Variants in TMPRSS13 observed in about 807,000 individuals in gnomAD.
The protein encoded by TMPRSS13 is transmembrane protease serine 13.
A neutral mutation model predicts 68.4 loss-of-function variants in TMPRSS13; 50 were observed. The ratio of observed to expected loss-of-function variants is 0.73; its 90% CI spans 0.58 to 0.93. The LOEUF (loss-of-function observed/expected upper bound fraction) is 0.93, where lower values mean the gene tolerates loss of function less well. TMPRSS13 is among the 40% of genes least tolerant of loss of function. The pLI is 0.00. For missense variants in TMPRSS13, 615 were observed against 729.2 expected (o/e 0.84, Z 1.80); for synonymous variants, 267 against 285.8 (o/e 0.93, Z 0.66).
At chr11:117,921,573 A>C (rs1437417103) in intron 1 of TMPRSS13, among the ~76,000 whole-genome samples, 2 of 152,190 alleles carry the variant, frequency 1.3e-5, no homozygotes, top group Non-Finnish European at 2.9e-5. Context: ...AAAGCTGTAA[A>C]GCTGGAACAG....
In TMPRSS13 at chr11:117,922,721, G is replaced by A. The variant is rs759785224; in HGVS notation, c.22-3883C>T. ...CTTCTCAGCCTGCTCAGGGGCAGGTGCACAGGGTGGAGCAGGGGAGTGTGG... is the reference window on the plus strand; with the variant it reads ...CTTCTCAGCCTGCTCAGGGGCAGGTACACAGGGTGGAGCAGGGGAGTGTGG... On this transcript the variant is annotated intron_variant, in intron 1 of 12. Coordinates refer to ENST00000524993, the MANE Select transcript of TMPRSS13 (RefSeq NM_001077263.3). This position sits in a 1 kb window ranked among gnomAD's most constrained non-coding sequence, Gnocchi z 4.2. Among the ~76,000 whole-genome samples, 2 of 152,240 alleles carry A rather than the reference G, an allele frequency of 1.3e-5. No individual in the cohort carries two copies. Among genetic ancestry groups the A allele is most frequent in the Non-Finnish European group, 2.9e-5 (2 of 68,048 alleles).
In TMPRSS13 at chr11:117,906,572, G is replaced by A. The variant is rs115316482; in HGVS notation, c.1283-836C>T. On this transcript the variant is annotated intron_variant, in intron 9 of 12. Transcript: ENST00000524993. ...AAAAGATAGAGACAAGGCAGGAAGC[G>A]TAGATGGGAAGGATGATTTTAAATT... Among the ~76,000 whole-genome samples, 134 of 152,316 alleles carry A rather than the reference G, an allele frequency of 8.8e-4. 1 individual carries two copies. The highest frequency in any genetic ancestry group is 3.0e-3 in the African/African-American group (126 of 41,570).
rs2134892641 is a variant in TMPRSS13, at chr11:117,911,872, C to G, written c.810-12G>C. On this transcript the variant is annotated splice_polypyrimidine_tract_variant and intron_variant, in intron 5 of 12. Transcript: ENST00000524993. Reference sequence around the variant, plus strand: ...TTGTCCGGTGAGCACTACAAGGGAGCAGAGGGGAGAAGAATGAGCCCCCTG... The same window carrying G: ...TTGTCCGGTGAGCACTACAAGGGAGGAGAGGGGAGAAGAATGAGCCCCCTG... 2 of 1,610,880 alleles carry G rather than the reference C, an allele frequency of 1.2e-6. No homozygotes were observed. The highest frequency in any genetic ancestry group is 1.7e-6 in the Non-Finnish European group (2 of 1,177,478).
intron 6 of TMPRSS13, among the ~76,000 whole-genome samples, chr11:117,911,270 C>T (rs1425629497): frequency 4.6e-5 from 7 of 152,226 alleles, no homozygotes; most frequent in South Asian, 2.1e-4. Context: ...ATGCTTCCAA[C>T]GTGGCCCTCC....
At chr11:117,912,608 C>T (rs1179989983) in intron 5 of TMPRSS13, among the ~76,000 whole-genome samples, 2 of 152,232 alleles carry the variant, frequency 1.3e-5, no homozygotes, top group African/African-American at 4.8e-5. Flanking sequence ...TGGCATGACA[C>T]TTAGCACACG....
Position 117,915,369 on chromosome 11 carries a change from C to T in TMPRSS13, c.557-855G>A, listed in dbSNP as rs181112757. 2.2e-4 allele frequency among the ~76,000 whole-genome samples: 34 copies of T among 152,344 alleles called. No homozygotes were observed. Among genetic ancestry groups the T allele is most frequent in the Admixed American group, 7.8e-4 (12 of 15,304 alleles). Reference sequence around the variant, plus strand: ...TCAGCCCCACCCCTTGCTTCTCCTCCGGGGCCCACTGTGCTCTCCATCACC... The same window carrying T: ...TCAGCCCCACCCCTTGCTTCTCCTCTGGGGCCCACTGTGCTCTCCATCACC... On this transcript the variant is annotated intron_variant, in intron 3 of 12. Coordinates refer to ENST00000524993, the MANE Select transcript of TMPRSS13 (RefSeq NM_001077263.3). This position sits in a 1 kb window ranked among gnomAD's most constrained non-coding sequence, Gnocchi z 4.9.
rs892157373 is a variant in TMPRSS13 at position 117,914,288 on chromosome 11, C to A, written c.679+104G>T. 34 of 1,462,470 alleles carry A rather than the reference C, an allele frequency of 2.3e-5. No homozygotes were observed. The Middle Eastern group carries it at 6.3e-4, about 27-fold the overall frequency. The allele number at this position is 1,462,470 out of a possible 1,614,324, so 90.6% of individuals were successfully genotyped here. A position where few individuals can be genotyped will look rare whatever the true frequency, so the allele number is the denominator to read the frequency against. Reference sequence around the variant, plus strand: ...ATGCACATACACACACATGCACGCACACATATACACACACAGGCATGCATA... The same window carrying A: ...ATGCACATACACACACATGCACGCAAACATATACACACACAGGCATGCATA... On this transcript the variant is annotated intron_variant, in intron 4 of 12. Coordinates refer to ENST00000524993, the MANE Select transcript of TMPRSS13 (RefSeq NM_001077263.3). The surrounding 1 kb of genome is among the most constrained non-coding windows in gnomAD (Gnocchi z 4.2).
chr11:117,910,774 G>A (rs1264955299), intron 6 of TMPRSS13, 24 bp from the exon 7 acceptor site: 6 of 1,600,420 alleles, frequency 3.7e-6, no homozygotes, highest in Non-Finnish European at 5.1e-6. Flanking sequence ...CACAGAAAGT[G>A]GGAAAAGGGC....
At chr11:117,917,524 G>A (rs1480791260) in intron 2 of TMPRSS13, among the ~76,000 whole-genome samples, 1 of 152,200 alleles carries the variant, frequency 6.6e-6, no homozygotes, top group East Asian at 1.9e-4. Flanking sequence ...CTCTCCTCTG[G>A]GCCAGCCAGG....
chr11:117,911,051 C>G (rs1296713876), intron 6 of TMPRSS13, among the ~76,000 whole-genome samples: 1 of 152,202 alleles, frequency 6.6e-6, no homozygotes, highest in Non-Finnish European at 1.5e-5. Context: ...ACTTCATTGT[C>G]GCAGCATCTT....
chr11:117,909,844 G>A lies in TMPRSS13; in HGVS notation c.1071C>T (p.Asp357=), dbSNP rs572469284. Residue 357 remains aspartate, a synonymous_variant, in exon 8 of 13, where the codon GAC becomes GAT. Transcript: ENST00000524993. ...TTHICGGTLI[D]AQWVLTAAHC... is the part of the protein sequence containing the mutation. Reference sequence around the variant, plus strand: ...GGGCGGCAGTGAGCACCCACTGGGCGTCAATGAGCGTGCCTCCACAGATGT... The same window carrying A: ...GGGCGGCAGTGAGCACCCACTGGGCATCAATGAGCGTGCCTCCACAGATGT... The A allele has an allele frequency of 1.4e-5, 23 of 1,613,424 alleles. No individual in the cohort carries two copies. The highest frequency in any genetic ancestry group is 1.7e-4 in the Middle Eastern group (1 of 6,030).
intron 1 of TMPRSS13, among the ~76,000 whole-genome samples, chr11:117,921,991 T>C (rs868775125): frequency 6.6e-6 from 1 of 152,218 alleles, no homozygotes; most frequent in African/African-American, 2.4e-5. Context: ...AGTTCTCATC[T>C]TCAGGGATCA....
Position 117,913,769 on chromosome 11 carries a change from G to A in TMPRSS13, c.809+8C>T. ...AAGCCTGGACTCTGGGGCCAGGTTGGGGGTTACCTCTCGAAACCCAGCTGC... is the reference window on the plus strand; with the variant it reads ...AAGCCTGGACTCTGGGGCCAGGTTGAGGGTTACCTCTCGAAACCCAGCTGC... On this transcript the variant is annotated splice_region_variant and intron_variant, in intron 5 of 12. Coordinates refer to ENST00000524993, the MANE Select transcript of TMPRSS13 (RefSeq NM_001077263.3). 2.5e-6 allele frequency: 4 copies of A among 1,613,706 alleles called. No homozygotes were observed. The highest frequency in any genetic ancestry group is 3.4e-6 in the Non-Finnish European group (4 of 1,179,726).
At chr11:117,923,200 C>T (rs1324782467) in intron 1 of TMPRSS13, among the ~76,000 whole-genome samples, 5 of 152,258 alleles carry the variant, frequency 3.3e-5, no homozygotes, top group Non-Finnish European at 7.3e-5. Flanking sequence ...CATCTCACAG[C>T]AGAGGAGGGA....
Position 117,929,319 on chromosome 11 carries a change from G to A in TMPRSS13, c.-12C>T, listed in dbSNP as rs1176782486. 2 of 1,604,574 alleles carry A rather than the reference G, an allele frequency of 1.2e-6. No individual in the cohort carries two copies. On this transcript the variant is annotated 5_prime_UTR_variant, in exon 1 of 13. Coordinates refer to ENST00000524993, the MANE Select transcript of TMPRSS13 (RefSeq NM_001077263.3). ...CTGTCCCTCTCCATGGTCTCTGAGG[G>A]GAAGAGTCCTCCAGGCTTAGCTGAT...
chr11:117,909,763 C>T lies in TMPRSS13; in HGVS notation c.1109+43G>A, dbSNP rs556771400. 3.4e-5 allele frequency: 54 copies of T among 1,578,930 alleles called. No homozygotes were observed. In the East Asian group the frequency reaches 1.0e-3, roughly 30 times the overall value. ...GCAGCCAGCCCTTCCTGGTGGTTCC[C>T]GACCCTGGGCAGTGTCAAATCACCT... is the stretch of plus-strand genomic sequence containing the variant. On this transcript the variant is annotated intron_variant, in intron 8 of 12. Coordinates refer to ENST00000524993, the MANE Select transcript of TMPRSS13 (RefSeq NM_001077263.3).
At chr11:117,908,590 CG>C in intron 9 of TMPRSS13, 21 bp downstream of exon 9, 3 of 1,549,812 alleles carry the variant, frequency 1.9e-6, no homozygotes. Flanking sequence ...GGCAGGAGAG[CG>C]GGGAGTGCAG....
chr11:117,911,727 T>C, intron 6 of TMPRSS13, 41 bp downstream of exon 6: 3 of 1,558,848 alleles, frequency 1.9e-6, no homozygotes, highest in Non-Finnish European at 2.6e-6. Flanking sequence ...ACCCACTCCT[T>C]CCCCTGCTCA....
In TMPRSS13 at chr11:117,902,085, C is replaced by CAA. The variant is rs1451563511; in HGVS notation, c.*153_*154insTT. On this transcript the variant is annotated 3_prime_UTR_variant, in exon 13 of 13. Transcript: ENST00000524993. Reference sequence around the variant, plus strand: ...ATGCACACATATGCACACACACACACACACACACACACACACACAGAGGCA... The same window carrying CAA: ...ATGCACACATATGCACACACACACACAAACACACACACACACACACAGAGGCA... 1.6e-5 allele frequency: 12 copies of CAA among 758,160 alleles called. No homozygotes were observed. Among genetic ancestry groups the CAA allele is most frequent in the African/African-American group, 5.2e-5 (3 of 57,864 alleles). The allele number at this position is 758,160 out of a possible 1,614,324, so 47.0% of individuals were successfully genotyped here. A position where few individuals can be genotyped will look rare whatever the true frequency, so the allele number is the denominator to read the frequency against.
Sources: allele counts gnomAD v4.1 joint callset (sites outside exome capture counted in the v4.1 genomes callset), GRCh38; gene constraint gnomAD v4.1.1; non-coding constraint Gnocchi (gnomAD v3.1); transcripts MANE v1.5; gene names NCBI Gene and HGNC (gene_info 2026-07-23, HGNC 2026-07-21).